Variants in NKIRAS1 observed in about 807,000 individuals in gnomAD.
NKIRAS1 encodes the protein NFKB inhibitor interacting Ras like 1, also known as NF-kappa-B inhibitor-interacting Ras-like protein 1.
In NKIRAS1, 16 loss-of-function variants were observed where a neutral mutation model predicts 19.8. That is an observed-to-expected ratio of 0.81 (90% CI 0.55 to 1.23). The LOEUF is 1.23. Ranked by LOEUF, NKIRAS1 falls within the 50% of genes most tolerant of loss-of-function variation. The pLI is 0.00. For synonymous variants in NKIRAS1, 88 were observed against 79.0 expected (o/e 1.11, Z -0.61); for missense variants, 184 against 220.0 (o/e 0.84, Z 1.04).
upstream of NKIRAS1, chr3:23,920,410 A>G (rs1705012217): frequency 1.0e-6 from 1 of 985,248 alleles, no homozygotes; most frequent in Non-Finnish European, 1.2e-6. Context: ...TTCTGCAGTT[A>G]TTTCTCTTGT....
At chr3:23,946,053 G>C in intron 1 of NKIRAS1, 1 of 970,418 alleles carries the variant, frequency 1.0e-6, no homozygotes, top group South Asian at 4.8e-5. Context: ...GCGCTGGCTG[G>C]GAGCGCCGCA....
intron 1 of NKIRAS1, among the ~76,000 whole-genome samples, chr3:23,913,421 A>G (rs1703981594): frequency 1.3e-5 from 2 of 152,366 alleles, no homozygotes; most frequent in South Asian, 4.1e-4. Context: ...GCAGGCTGAA[A>G]TATTCTAGGT....
rs767933617 is a variant in NKIRAS1 at position 23,900,782 on chromosome 3, T to A, written c.336+26A>T. ...ATTTAAATGGTATTATAATTCACAT[T>A]TGGCATTTTTAACATATCCACTTGC... On this transcript the variant is annotated intron_variant, in intron 4 of 4. Transcript: ENST00000425478. The A allele has an allele frequency of 8.8e-6, 14 of 1,590,234 alleles. 1 individual carries two copies. In the South Asian group the frequency reaches 1.3e-4, roughly 15 times the overall value.
chr3:23,910,940 G>T lies in NKIRAS1; in HGVS notation c.-17-19C>A, dbSNP rs755596082. ...GATATCACTGTGGAGAGAATAACAG[G>T]TCTTTTAAATTGTATACTGTTGAAA... On this transcript the variant is annotated intron_variant, in intron 2 of 4. Transcript: ENST00000425478. 1 of 1,549,988 alleles carries T rather than the reference G, an allele frequency of 6.5e-7. No homozygotes were observed. The highest frequency in any genetic ancestry group is 1.7e-5 in the Admixed American group (1 of 59,686).
chr3:23,914,118 A>G (rs1232448958), intron 1 of NKIRAS1, among the ~76,000 whole-genome samples: 1 of 152,114 alleles, frequency 6.6e-6, no homozygotes, highest in Non-Finnish European at 1.5e-5. Flanking sequence ...TTTCCAGGCT[A>G]ATCAATAACA....
chr3:23,892,001 G>GT lies in NKIRAS1; in HGVS notation c.*1093dup, dbSNP rs1461398615. Reference sequence around the variant, plus strand: ...ATACTGTAGCAGCAATAGCTGATTTGTAAGTATCGTCTTTTATATGTAGTA... The same window carrying GT: ...ATACTGTAGCAGCAATAGCTGATTTGTTAAGTATCGTCTTTTATATGTAGTA... On this transcript the variant is annotated 3_prime_UTR_variant, in exon 5 of 5. Coordinates refer to ENST00000425478, the MANE Select transcript of NKIRAS1 (RefSeq NM_020345.4). The GT allele has an allele frequency of 6.6e-5, 10 of 152,144 alleles. No homozygotes were observed. The highest frequency in any genetic ancestry group is 2.0e-4 in the Admixed American group (3 of 15,276). The allele number at this position is 152,144 out of a possible 1,614,324, so 9.4% of individuals were successfully genotyped here.
chr3:23,902,385 A>T (rs1702608001), intron 3 of NKIRAS1, among the ~76,000 whole-genome samples: 1 of 152,198 alleles, frequency 6.6e-6, no homozygotes, highest in Non-Finnish European at 1.5e-5. Context: ...ACTCATAAGG[A>T]ATGTATTCAG....
chr3:23,918,737 TTG>T (rs1704867310), upstream of NKIRAS1: 2 of 833,744 alleles, frequency 2.4e-6, no homozygotes, highest in Non-Finnish European at 3.7e-6. Flanking sequence ...CTTGAAAGAC[TTG>T]TCTTTGTTAC....
At chr3:23,934,358 G>C (rs4293661) in intron 1 of NKIRAS1, among the ~76,000 whole-genome samples, 97,565 of 152,078 alleles carry the variant, frequency 0.64, 31,508 homozygotes, top group Middle Eastern at 0.73. Flanking sequence ...TGGGTATAAA[G>C]TAAGAAAGCA....
At chr3:23,928,117 CACACACACACAT>C (rs1161907734) in intron 1 of NKIRAS1, among the ~76,000 whole-genome samples, 3 of 151,042 alleles carry the variant, frequency 2.0e-5, no homozygotes, top group African/African-American at 4.9e-5. Context: ...CACACACACA[CACACACACACAT>C]ACACACACAC....
At chr3:23,920,763 AAAAAG>A (rs1705033922), upstream of NKIRAS1, 2 of 972,456 alleles carry the variant, frequency 2.1e-6, no homozygotes, top group South Asian at 9.5e-5. Flanking sequence ...TTCTTCACAA[AAAAAG>A]AAAAGATCTT....
Position 23,944,435 on chromosome 3 carries a change from TCTTA to T in NKIRAS1, c.-140+1884_-140+1887del, listed in dbSNP as rs761190833. ...ATCTATTCATGCCTCTATCAGCCCA[TCTTA>T]CTTCAGTAATGCGTTTAAATTGCGG... On this transcript the variant is annotated intron_variant, in intron 1 of 4. Coordinates refer to the NKIRAS1 transcript ENST00000421515. Among the ~76,000 whole-genome samples, 159 of 152,352 alleles carry T rather than the reference TCTTA, an allele frequency of 1.0e-3. 1 individual carries two copies. Among genetic ancestry groups the T allele is most frequent in the Middle Eastern group, 3.4e-3 (1 of 294 alleles).
intron 1 of NKIRAS1, among the ~76,000 whole-genome samples, chr3:23,931,823 G>GGTTTCT (rs1705322919): frequency 6.6e-6 from 1 of 152,156 alleles, no homozygotes; most frequent in South Asian, 2.1e-4. Flanking sequence ...CAACCACCCA[G>GGTTTCT]TGACTTCAGA....
chr3:23,945,978 C>A, intron 1 of NKIRAS1: 1 of 473,204 alleles, frequency 2.1e-6, no homozygotes, highest in Non-Finnish European at 2.8e-6. Context: ...CGTGAGGCCG[C>A]TCGGCTCCCT....
At chr3:23,931,850 T>C (rs1041236335) in intron 1 of NKIRAS1, among the ~76,000 whole-genome samples, 11 of 152,180 alleles carry the variant, frequency 7.2e-5, no homozygotes, top group African/African-American at 2.7e-4. Flanking sequence ...GCATTGGCTG[T>C]CAGCTCCTTG....
chr3:23,943,296 G>A (rs757250701), intron 1 of NKIRAS1, among the ~76,000 whole-genome samples: 2 of 152,202 alleles, frequency 1.3e-5, no homozygotes, highest in African/African-American at 2.4e-5. Flanking sequence ...GCAATGGCGC[G>A]ATCTCGGCTC....
chr3:23,894,333 A>G (rs1701766089), intron 4 of NKIRAS1, among the ~76,000 whole-genome samples: 1 of 152,178 alleles, frequency 6.6e-6, no homozygotes, highest in Non-Finnish European at 1.5e-5. Flanking sequence ...AACTCATCAG[A>G]TCTTGGAACC....
chr3:23,920,019 T>C, upstream of NKIRAS1: 1 of 986,644 alleles, frequency 1.0e-6, no homozygotes. Flanking sequence ...AGCTCCTGGT[T>C]CAGTGCCATG....
chr3:23,894,539 G>A (rs1018235081), intron 4 of NKIRAS1, among the ~76,000 whole-genome samples: 2 of 151,756 alleles, frequency 1.3e-5, no homozygotes, highest in African/African-American at 4.8e-5. Flanking sequence ...CCCCTACTGT[G>A]ACCTCCATCT....
Sources: allele counts gnomAD v4.1 joint callset (sites outside exome capture counted in the v4.1 genomes callset), GRCh38; gene constraint gnomAD v4.1.1; transcripts MANE v1.5; gene names NCBI Gene and HGNC (gene_info 2026-07-23, HGNC 2026-07-21).